CLIC5: variants seen among roughly 807,000 people sequenced by gnomAD.
CLIC5 encodes the protein chloride intracellular channel protein 5.
A neutral mutation model predicts 24.7 loss-of-function variants in CLIC5; 20 were observed. That is an observed-to-expected ratio of 0.81 (90% confidence interval 0.57 to 1.18). The LOEUF is 1.18. Ranked by LOEUF, CLIC5 falls within the 50% of genes most tolerant of loss-of-function variation. The probability of loss-of-function intolerance (pLI) is 0.00; values close to 1 mark genes in which losing one functional copy is unlikely to be tolerated. For synonymous variants in CLIC5, 159 were observed against 135.6 expected (o/e 1.17, Z -1.20); for missense variants, 341 against 326.1 (o/e 1.05, Z -0.35).
At chr6:45,974,189 C>A (rs1319435356) in intron 1 of CLIC5, among the ~76,000 whole-genome samples, 1 of 151,680 alleles carries the variant, frequency 6.6e-6, no homozygotes, top group Admixed American at 6.6e-5. Context: ...AACCACCAGG[C>A]TGGGAATCAG....
At chr6:46,050,622 T>A (rs2127464938) in intron 1 of CLIC5, among the ~76,000 whole-genome samples, 1 of 152,312 alleles carries the variant, frequency 6.6e-6, no homozygotes, top group Non-Finnish European at 1.5e-5. Flanking sequence ...AACACAGGGA[T>A]GTTATTTGAA....
At chr6:46,098,568 G>GA in the CLIC5 span, among the ~76,000 whole-genome samples, 178 of 152,182 alleles carry the variant, frequency 1.2e-3, 1 homozygote, top group African/African-American at 3.9e-3. Context: ...ATCAAATAAA[G>GA]AAAAAACAAT....
chr6:46,072,544 C>T (rs1205985709), intron 1 of CLIC5, among the ~76,000 whole-genome samples: 2 of 152,100 alleles, frequency 1.3e-5, no homozygotes, highest in African/African-American at 4.8e-5. Context: ...TTTGTAGTCT[C>T]TTGGGGGAAA....
the CLIC5 span, among the ~76,000 whole-genome samples, chr6:46,120,450 AC>A: frequency 6.6e-6 from 1 of 152,216 alleles, no homozygotes; most frequent in African/African-American, 2.4e-5. Context: ...ATCATCAAAG[AC>A]CAAAGGTAGA....
At position 45,999,903 on chromosome 6, in the gene CLIC5, G is replaced by A. The variant is rs1157155679; in HGVS notation, c.63+15577C>T. Among the ~76,000 whole-genome samples, 3 of 85,762 alleles carry A rather than the reference G, an allele frequency of 3.5e-5. 1 individual carries two copies. Among genetic ancestry groups the A allele is most frequent in the Non-Finnish European group, 6.9e-5 (3 of 43,494 alleles). The allele number at this position is 85,762 out of a possible 152,430, so 56.3% of individuals were successfully genotyped here. A position where few individuals can be genotyped will look rare whatever the true frequency, so the allele number is the denominator to read the frequency against. Reference sequence around the variant, plus strand: ...TGGGACTACAGGCGCCCGCCACCGCGCCCGGCTAATTTTTTTTTTTGTATT... The same window carrying A: ...TGGGACTACAGGCGCCCGCCACCGCACCCGGCTAATTTTTTTTTTTGTATT... On this transcript the variant is annotated intron_variant, in intron 1 of 5. Coordinates refer to ENST00000339561, the MANE Select transcript of CLIC5 (RefSeq NM_016929.5).
At chr6:45,945,746 GTTTCTCT>G (rs1419417931) in intron 3 of CLIC5, among the ~76,000 whole-genome samples, 10 of 152,268 alleles carry the variant, frequency 6.6e-5, no homozygotes, top group African/African-American at 2.4e-4. Context: ...TCTGGAGGCT[GTTTCTCT>G]ACCTCCCAGA....
chr6:45,917,263 C>T (rs1763068139), intron 4 of CLIC5, among the ~76,000 whole-genome samples: 1 of 152,184 alleles, frequency 6.6e-6, no homozygotes, highest in African/African-American at 2.4e-5. Flanking sequence ...GTTAAGACCA[C>T]TGCTGGGGTT....
intron 1 of CLIC5, among the ~76,000 whole-genome samples, chr6:45,993,809 A>G (rs540241657): frequency 6.6e-6 from 1 of 152,232 alleles, no homozygotes; most frequent in South Asian, 2.1e-4. Flanking sequence ...CTATGTGCCC[A>G]GTACTATGTG....
intron 1 of CLIC5, among the ~76,000 whole-genome samples, chr6:46,006,478 C>A (rs1209963143): frequency 6.6e-6 from 1 of 151,746 alleles, no homozygotes; most frequent in African/African-American, 2.4e-5. Flanking sequence ...TCCCAATATC[C>A]ATTCACACCC....
chr6:46,008,043 G>A (rs532927307), intron 1 of CLIC5, among the ~76,000 whole-genome samples: 1 of 151,088 alleles, frequency 6.6e-6, no homozygotes, highest in South Asian at 2.1e-4. Context: ...TGAGTTCATT[G>A]ATTTTCCCAC....
chr6:46,058,227 A>G (rs759740443), intron 1 of CLIC5, among the ~76,000 whole-genome samples: 2 of 152,228 alleles, frequency 1.3e-5, no homozygotes, highest in Admixed American at 6.5e-5. Context: ...AGAGAGATAC[A>G]AAGTTGAAAT....
At chr6:46,049,848 G>A (rs1030272371) in intron 1 of CLIC5, among the ~76,000 whole-genome samples, 1 of 152,168 alleles carries the variant, frequency 6.6e-6, no homozygotes, top group African/African-American at 2.4e-5. Flanking sequence ...TTCCAAAATG[G>A]GAAATGCTGA....
At chr6:45,927,835 C>A (rs889050257) in intron 4 of CLIC5, among the ~76,000 whole-genome samples, 1 of 151,782 alleles carries the variant, frequency 6.6e-6, no homozygotes. Context: ...TAATAAACTT[C>A]TGCTTGTTTT....
At chr6:46,014,472 T>C (rs1165017623) in intron 1 of CLIC5, 1 of 152,196 alleles carries the variant, frequency 6.6e-6, no homozygotes, top group Non-Finnish European at 1.5e-5. Context: ...TGCATATTTC[T>C]AGGGAAACTT....
chr6:46,006,759 T>C (rs1233237213), intron 1 of CLIC5, among the ~76,000 whole-genome samples: 5 of 149,678 alleles, frequency 3.3e-5, no homozygotes, highest in Admixed American at 6.7e-5. Flanking sequence ...CTCTGCAACA[T>C]CCACCTCCCG....
At chr6:45,881,050 C>T (rs1762258950) in exon 7 of CLIC5, 3 of 398,184 alleles carry the variant, frequency 7.5e-6, no homozygotes, top group Non-Finnish European at 8.9e-6. Flanking sequence ...GCCTCAAAGC[C>T]AGTACAGACA....
intron 4 of CLIC5, chr6:45,920,671 C>A (rs1043853855): frequency 2.6e-5 from 25 of 979,976 alleles, no homozygotes; most frequent in Non-Finnish European, 3.0e-5. Context: ...GAAGAAGAAG[C>A]CTTTCTTTCC....
At chr6:46,124,386 A>G in the CLIC5 span, among the ~76,000 whole-genome samples, 337 of 152,340 alleles carry the variant, frequency 2.2e-3, 2 homozygotes, top group African/African-American at 7.7e-3. Flanking sequence ...CCATATGTAG[A>G]AAGCTGAAAC....
intron 1 of CLIC5, among the ~76,000 whole-genome samples, chr6:45,974,497 G>GTGTGTATATATATATA (rs1192750031): frequency 1.3e-5 from 1 of 76,212 alleles, no homozygotes; most frequent in African/African-American, 4.6e-5. Flanking sequence ...GTGTGTGTGT[G>GTGTGTATATATATATA]TATATATATA....
Sources: gnomAD v4.1 joint callset for allele counts (sites outside exome capture counted in the v4.1 genomes callset) on GRCh38, gnomAD v4.1.1 for gene constraint, MANE v1.5 for transcripts, NCBI Gene and HGNC (gene_info 2026-07-23, HGNC 2026-07-21) for gene names.